Variants in DNAJC27 observed in about 807,000 individuals in gnomAD.
DNAJC27 encodes DnaJ heat shock protein family (Hsp40) member C27.
A neutral mutation model predicts 31.4 loss-of-function variants in DNAJC27; 25 were observed. The observed-to-expected ratio is 0.80, with a 90% CI of 0.58 to 1.11. The LOEUF is 1.11. DNAJC27 is among the 50% of genes most tolerant of loss of function. The pLI is 0.00. For missense variants in DNAJC27, 356 were observed against 347.3 expected (o/e 1.02, Z -0.20); for synonymous variants, 106 against 112.7 (o/e 0.94, Z 0.37).
At chr2:24,970,565 A>T (rs773130530) in intron 1 of DNAJC27, among the ~76,000 whole-genome samples, 3 of 151,086 alleles carry the variant, frequency 2.0e-5, no homozygotes, top group Non-Finnish European at 4.4e-5. Flanking sequence ...CCCCGGCTTA[A>T]GCGATTCTCC....
chr2:24,952,109 G>C (rs1418032478), intron 5 of DNAJC27, among the ~76,000 whole-genome samples: 1 of 152,142 alleles, frequency 6.6e-6, no homozygotes, highest in African/African-American at 2.4e-5. Flanking sequence ...GCCAGACCCT[G>C]TCTCAAAAAC....
intron 3 of DNAJC27, among the ~76,000 whole-genome samples, chr2:24,962,176 A>C (rs1666056744): frequency 6.6e-6 from 1 of 152,076 alleles, no homozygotes; most frequent in Non-Finnish European, 1.5e-5. Flanking sequence ...TTAACAGGAA[A>C]ATCTCCTAAC....
chr2:24,963,312 T>C (rs1421792491), intron 3 of DNAJC27, 93 bp downstream of exon 3: 2 of 971,740 alleles, frequency 2.1e-6, no homozygotes, highest in South Asian at 1.7e-5. Flanking sequence ...ATTTTACACA[T>C]GATATCAATA....
intron 1 of DNAJC27, chr2:24,971,340 T>C (rs1431898642): frequency 6.5e-6 from 1 of 153,196 alleles, no homozygotes; most frequent in Non-Finnish European, 1.5e-5. Flanking sequence ...CAACGTCAGT[T>C]ACGCTCTCTC....
At chr2:24,962,575 T>C (rs1666076691) in intron 3 of DNAJC27, among the ~76,000 whole-genome samples, 1 of 152,104 alleles carries the variant, frequency 6.6e-6, no homozygotes. Context: ...CACTTCTAAA[T>C]AACTCATACA....
chr2:24,965,878 C>CT (rs1433884354), intron 2 of DNAJC27, among the ~76,000 whole-genome samples: 2 of 152,182 alleles, frequency 1.3e-5, no homozygotes, highest in East Asian at 3.8e-4. Context: ...ATGTACCTAT[C>CT]TTACCTAACA....
rs1573122503 is a variant in DNAJC27 at position 24,971,624 on chromosome 2, G to A, written c.87+194C>T. 2.2e-5 allele frequency: 11 copies of A among 500,142 alleles called. No individual in the cohort carries two copies. In the East Asian group the frequency reaches 3.9e-4, roughly 18 times the overall value. 31.0% of individuals were successfully genotyped at this position (500,142 alleles called of 1,614,324 possible). On this transcript the variant is annotated intron_variant, in intron 1 of 6. Transcript: ENST00000264711. ...CATCTCCGGAAGAGTGACGTCGGAG[G>A]ACGAGGGGGCAACGGAAAGGTCAAA...
At position 24,944,261 on chromosome 2, in the gene DNAJC27, A is replaced by C. The variant is rs1160106146; in HGVS notation, c.*3355T>G. ...CGCACTGTCACTGTCAAAGGCAACA[A>C]GCACATGGCTTACAGCTCCACCTTT... On this transcript the variant is annotated 3_prime_UTR_variant, in exon 7 of 7. Coordinates refer to ENST00000264711, the MANE Select transcript of DNAJC27 (RefSeq NM_016544.3). The C allele has an allele frequency of 6.6e-6, 1 of 152,156 alleles. No homozygotes were observed. The highest frequency in any genetic ancestry group is 1.9e-4 in the East Asian group (1 of 5,192). 9.4% of individuals were successfully genotyped at this position (152,156 alleles called of 1,614,324 possible).
chr2:24,957,714 A>T, intron 4 of DNAJC27, 96 bp downstream of exon 4: 1 of 1,161,828 alleles, frequency 8.6e-7, no homozygotes, highest in Non-Finnish European at 1.2e-6. Context: ...TTTCCATATT[A>T]CACAATAAGG....
At chr2:24,963,323 T>C in intron 3 of DNAJC27, 82 bp downstream of exon 3, 2 of 1,133,622 alleles carry the variant, frequency 1.8e-6, no homozygotes, top group Non-Finnish European at 2.6e-6. Context: ...GATATCAATA[T>C]TGGTTGTTTC....
chr2:24,956,970 T>C, intron 5 of DNAJC27, 73 bp downstream of exon 5: 1 of 1,546,636 alleles, frequency 6.5e-7, no homozygotes, highest in Non-Finnish European at 8.7e-7. Context: ...ACTTTTTTGC[T>C]TCCTATAATT....
intron 3 of DNAJC27, 83 bp from the exon 4 acceptor site, chr2:24,958,057 T>C: frequency 3.2e-6 from 4 of 1,235,238 alleles, no homozygotes; most frequent in South Asian, 1.4e-5. Context: ...CCTGGCAAAG[T>C]GTGTTCTTTT....
chr2:24,971,801 C>A lies in DNAJC27; in HGVS notation c.87+17G>T. On this transcript the variant is annotated intron_variant, in intron 1 of 6. Coordinates refer to ENST00000264711, the MANE Select transcript of DNAJC27 (RefSeq NM_016544.3). Reference sequence around the variant, plus strand: ...CCGCCACGCTGGGGCCCGCCCCTCCCGGCTCGCTGTACTCACTTTCCCCAC... The same window carrying A: ...CCGCCACGCTGGGGCCCGCCCCTCCAGGCTCGCTGTACTCACTTTCCCCAC... 6.3e-7 allele frequency: 1 copy of A among 1,594,768 alleles called. No individual in the cohort carries two copies. The highest frequency in any genetic ancestry group is 2.3e-5 in the East Asian group (1 of 43,202).
chr2:24,950,673 C>A (rs375329945), intron 6 of DNAJC27, among the ~76,000 whole-genome samples: 1 of 151,992 alleles, frequency 6.6e-6, no homozygotes. Flanking sequence ...ATGGCAAAAC[C>A]CCATCTCTAC....
At chr2:24,964,983 G>A (rs968455647) in intron 2 of DNAJC27, among the ~76,000 whole-genome samples, 1 of 152,024 alleles carries the variant, frequency 6.6e-6, no homozygotes, top group Non-Finnish European at 1.5e-5. Flanking sequence ...CGAGGTGGAC[G>A]GATCACGAGG....
At chr2:24,966,327 G>A (rs550862780) in intron 2 of DNAJC27, among the ~76,000 whole-genome samples, 42 of 152,218 alleles carry the variant, frequency 2.8e-4, no homozygotes, top group African/African-American at 8.9e-4. Flanking sequence ...CATGTTTAAG[G>A]AGTATGCTAT....
intron 5 of DNAJC27, among the ~76,000 whole-genome samples, chr2:24,954,345 C>T (rs1407074247): frequency 6.6e-6 from 1 of 152,102 alleles, no homozygotes; most frequent in Non-Finnish European, 1.5e-5. Context: ...GAGATATTGC[C>T]TTAACCCCTC....
At chr2:24,951,798 C>A (rs886808927) in intron 5 of DNAJC27, among the ~76,000 whole-genome samples, 3 of 151,752 alleles carry the variant, frequency 2.0e-5, no homozygotes, top group African/African-American at 7.3e-5. Flanking sequence ...TTTCAGATAA[C>A]CACAATTGAA....
At chr2:24,966,291 GC>G (rs1259137667) in intron 2 of DNAJC27, among the ~76,000 whole-genome samples, 13 of 152,110 alleles carry the variant, frequency 8.5e-5, no homozygotes, top group African/African-American at 2.9e-4. Context: ...CCAGAGTGGG[GC>G]CAAGATAGTG....
Sources: gnomAD v4.1 joint callset for allele counts (sites outside exome capture counted in the v4.1 genomes callset) on GRCh38, gnomAD v4.1.1 for gene constraint, MANE v1.5 for transcripts, NCBI Gene and HGNC (gene_info 2026-07-23, HGNC 2026-07-21) for gene names.